DEPDC5: variants seen among roughly 807,000 people sequenced by gnomAD.
DEPDC5 encodes the protein GATOR1 complex protein DEPDC5.
In DEPDC5, 73 loss-of-function variants were observed where a neutral mutation model predicts 217.3. That is an observed-to-expected ratio of 0.34 (90% CI 0.28 to 0.41). The LOEUF (loss-of-function observed/expected upper bound fraction) is 0.41, where lower values mean the gene tolerates loss of function less well. Among genes scored for constraint, DEPDC5 ranks in the 10% least tolerant of loss-of-function variants. The pLI, the probability that DEPDC5 is intolerant of heterozygous loss-of-function variation, is 1.00. For synonymous variants in DEPDC5, 733 were observed against 756.7 expected, an observed-to-expected ratio of 0.97 and a Z score of 0.51; for missense variants, 1,675 against 2,070.1, an observed-to-expected ratio of 0.81 and a Z score of 3.70.
rs372213975 is a variant in DEPDC5 at position 31,797,420 on chromosome 22, A to G, written c.768-180A>G. On this transcript the variant is annotated intron_variant, in intron 12 of 42. Transcript: ENST00000651528. The stretch of plus-strand genomic sequence containing the variant: ...CCCTTTTAAACCATCAGATATCGTG[A>G]GAACTCCCTCACTATCACAAGAACA... Among the ~76,000 whole-genome samples the G allele has an allele frequency of 2.0e-5, 3 of 152,090 alleles. No individual in the cohort carries two copies. In the East Asian group the frequency reaches 5.8e-4, roughly 29 times the overall value.
chr22:31,766,060 C>T (rs1028459015), intron 5 of DEPDC5, among the ~76,000 whole-genome samples: 2 of 152,164 alleles, frequency 1.3e-5, no homozygotes, highest in African/African-American at 4.8e-5. Flanking sequence ...ATGTAGCCTA[C>T]ATGTCATTTA....
At chr22:31,863,598 C>T (rs905200146) in intron 33 of DEPDC5, among the ~76,000 whole-genome samples, 5 of 151,944 alleles carry the variant, frequency 3.3e-5, no homozygotes, top group African/African-American at 1.2e-4. Flanking sequence ...TCACTTGAGC[C>T]CAGGAGAATA....
In DEPDC5 at chr22:31,846,972, G is replaced by A. The variant is rs1423306991; in HGVS notation, c.3155+5G>A. 1.2e-6 allele frequency: 2 copies of A among 1,614,158 alleles called. No homozygotes were observed. The highest frequency in any genetic ancestry group is 1.3e-5 in the African/African-American group (1 of 74,958). On this transcript the variant is annotated splice_donor_5th_base_variant and intron_variant, in intron 31 of 42. Transcript: ENST00000651528. ...GGAGATGGAGGCCAGTCAGAAGTAA[G>A]TGCTTGGTGGAAGACTGACTTGTCC...
chr22:31,801,458 C>T (rs186068307), intron 14 of DEPDC5, among the ~76,000 whole-genome samples: 4 of 151,958 alleles, frequency 2.6e-5, no homozygotes, highest in Non-Finnish European at 5.9e-5. Context: ...TATGATTATC[C>T]CGGCATTTAT....
intron 21 of DEPDC5, chr22:31,816,877 G>A (rs557918493): frequency 2.2e-3 from 342 of 153,832 alleles, no homozygotes; most frequent in African/African-American, 8.1e-3. Flanking sequence ...AGCACATCTT[G>A]GGTGCTTTGT....
At chr22:31,789,696 CATT>C (rs2085410550) in intron 10 of DEPDC5, among the ~76,000 whole-genome samples, 1 of 151,722 alleles carries the variant, frequency 6.6e-6, no homozygotes, top group Non-Finnish European at 1.5e-5. Context: ...TTTGAAGTCA[CATT>C]ATGTAGTGTA....
chr22:31,765,499 G>A (rs912736268), intron 5 of DEPDC5, among the ~76,000 whole-genome samples: 6 of 151,994 alleles, frequency 3.9e-5, no homozygotes, highest in Admixed American at 3.9e-4. Context: ...ATATTGGCCA[G>A]GCTGTTCTTG....
chr22:31,765,992 A>C (rs2082781173), intron 5 of DEPDC5, among the ~76,000 whole-genome samples: 1 of 152,190 alleles, frequency 6.6e-6, no homozygotes. Flanking sequence ...GTGCCACTGC[A>C]CTCCAACCTG....
chr22:31,839,520 C>T (rs964488011), intron 27 of DEPDC5, among the ~76,000 whole-genome samples: 1 of 150,364 alleles, frequency 6.7e-6, no homozygotes, highest in Non-Finnish European at 1.5e-5. Flanking sequence ...CTAACAAGAC[C>T]CCCCCTCCCC....
chr22:31,813,793 A>C (rs1047298003), intron 20 of DEPDC5: 2 of 151,992 alleles, frequency 1.3e-5, no homozygotes, highest in Non-Finnish European at 2.9e-5. Context: ...GCCTTGTTTC[A>C]TGACCTCTCC....
intron 33 of DEPDC5, among the ~76,000 whole-genome samples, chr22:31,869,292 T>C (rs1340587749): frequency 6.6e-6 from 1 of 151,116 alleles, no homozygotes; most frequent in Non-Finnish European, 1.5e-5. Context: ...GCTTGGCAGC[T>C]ACCAGAAGCT....
chr22:31,836,742 TC>T, intron 25 of DEPDC5: 1 of 502,848 alleles, frequency 2.0e-6, no homozygotes, highest in Non-Finnish European at 3.5e-6. Flanking sequence ...CAGCTGTGAA[TC>T]CCATTTGCAT....
intron 4 of DEPDC5, among the ~76,000 whole-genome samples, chr22:31,762,324 C>T (rs986897962): frequency 1.3e-5 from 2 of 152,226 alleles, no homozygotes; most frequent in African/African-American, 2.4e-5. Context: ...GTGATTCCTG[C>T]TTACTTATTC....
In DEPDC5 at chr22:31,836,826, C is replaced by T; in HGVS notation, c.2171-146C>T. The T allele has an allele frequency of 1.9e-5, 13 of 693,708 alleles. No homozygotes were observed. In the South Asian group the frequency reaches 2.4e-4, roughly 13 times the overall value. The allele number at this position is 693,708 out of a possible 1,614,324, so 43.0% of individuals were successfully genotyped here. On this transcript the variant is annotated intron_variant, in intron 25 of 42. Transcript: ENST00000651528. Reference sequence around the variant, plus strand: ...TTCTCTCTCTTTCTCCCTCCCCTACCCTGTTTCTTCCCAATCCTGGCAATT... The same window carrying T: ...TTCTCTCTCTTTCTCCCTCCCCTACTCTGTTTCTTCCCAATCCTGGCAATT...
chr22:31,885,133 A>G lies in DEPDC5; in HGVS notation c.4033+5381A>G, dbSNP rs114084925. On this transcript the variant is annotated intron_variant, in intron 38 of 42. Transcript: ENST00000651528. ...ATCCAGAGAGACCTCTTCAAATGGA[A>G]GTCAGGTCATGTTCCCCTTCTGGGC... 7.4e-3 allele frequency among the ~76,000 whole-genome samples: 1,126 copies of G among 152,286 alleles called. 18 individuals are homozygous for G. Among genetic ancestry groups the G allele is most frequent in the African/African-American group, 0.025 (1,027 of 41,562 alleles).
At chr22:31,865,470 C>T (rs1042138780) in intron 33 of DEPDC5, among the ~76,000 whole-genome samples, 9 of 152,024 alleles carry the variant, frequency 5.9e-5, no homozygotes, top group Admixed American at 4.6e-4. Context: ...CACTCCAGCC[C>T]GGGCGACAGA....
intron 2 of DEPDC5, among the ~76,000 whole-genome samples, 184 bp from the exon 3 acceptor site, chr22:31,758,362 C>T (rs1252480398): frequency 6.6e-6 from 1 of 152,164 alleles, no homozygotes; most frequent in Non-Finnish European, 1.5e-5. Context: ...TCCCACTCTG[C>T]TGCTGTGTAG....
intron 41 of DEPDC5, among the ~76,000 whole-genome samples, chr22:31,904,719 G>A (rs1483608526): frequency 6.6e-6 from 1 of 152,212 alleles, no homozygotes; most frequent in Non-Finnish European, 1.5e-5. Flanking sequence ...AGTCCAGCCT[G>A]GATGACAGAG....
At chr22:31,900,666 G>A (rs2093632502) in intron 40 of DEPDC5, among the ~76,000 whole-genome samples, 1 of 151,516 alleles carries the variant, frequency 6.6e-6, no homozygotes, top group Admixed American at 6.6e-5. Context: ...TTGAGCCTGG[G>A]AGGCAGAGGT....
Sources: allele counts gnomAD v4.1 joint callset (sites outside exome capture counted in the v4.1 genomes callset), GRCh38; gene constraint gnomAD v4.1.1; transcripts MANE v1.5; gene names NCBI Gene and HGNC (gene_info 2026-07-23, HGNC 2026-07-21).